HTR4: variants seen among roughly 807,000 people sequenced by gnomAD.
HTR4 encodes the protein 5-hydroxytryptamine (serotonin) receptor 4, G protein-coupled.
Under a neutral mutation model 36.8 loss-of-function variants are expected in HTR4, and 16 were observed. That is an observed-to-expected ratio of 0.43 (90% CI 0.29 to 0.66). HTR4 has a LOEUF of 0.66. Ranked by LOEUF, HTR4 falls within the 30% of genes least tolerant of loss-of-function variation. The pLI is 0.13. For missense variants in HTR4, 438 were observed against 490.9 expected (o/e 0.89, Z 1.02); for synonymous variants, 189 against 185.1 (o/e 1.02, Z -0.17).
At chr5:148,601,184 A>T (rs1761983254) in intron 2 of HTR4, among the ~76,000 whole-genome samples, 1 of 152,096 alleles carries the variant, frequency 6.6e-6, no homozygotes, top group Non-Finnish European at 1.5e-5. Flanking sequence ...TAAAAAAAAT[A>T]AAGATAAGTA....
chr5:148,643,980 T>C (rs550770781), intron 1 of HTR4, among the ~76,000 whole-genome samples: 7 of 152,298 alleles, frequency 4.6e-5, no homozygotes, highest in Non-Finnish European at 8.8e-5. Context: ...GGCTGTTTAT[T>C]GCAGAGCAAT....
intron 1 of HTR4, among the ~76,000 whole-genome samples, chr5:148,638,873 G>A (rs181497378): frequency 2.8e-4 from 43 of 151,962 alleles, no homozygotes; most frequent in African/African-American, 9.9e-4. Context: ...TGGGCAACGT[G>A]GCAAAACCCC....
At chr5:148,452,293 T>C (rs1316171709) in intron 5 of HTR4, among the ~76,000 whole-genome samples, 3 of 152,190 alleles carry the variant, frequency 2.0e-5, no homozygotes, top group East Asian at 1.9e-4. Flanking sequence ...CATGGGAATA[T>C]AGGTCATACA....
At chr5:148,641,693 G>C (rs766104372) in intron 1 of HTR4, among the ~76,000 whole-genome samples, 1 of 152,184 alleles carries the variant, frequency 6.6e-6, no homozygotes, top group African/African-American at 2.4e-5. Flanking sequence ...AGACTAGGAG[G>C]AGGAAGAGCT....
chr5:148,485,497 A>AG (rs996632107), intron 6 of HTR4, among the ~76,000 whole-genome samples: 1 of 152,168 alleles, frequency 6.6e-6, no homozygotes, highest in African/African-American at 2.4e-5. Flanking sequence ...GAATATGTAG[A>AG]GGGGTGCATG....
chr5:148,500,067 A>G (rs1347781156), intron 6 of HTR4, among the ~76,000 whole-genome samples: 2 of 152,166 alleles, frequency 1.3e-5, no homozygotes, highest in Non-Finnish European at 2.9e-5. Context: ...TCAAGTATTC[A>G]TTTATAGCAA....
intron 2 of HTR4, among the ~76,000 whole-genome samples, chr5:148,561,769 G>A (rs909733695): frequency 6.6e-6 from 1 of 152,066 alleles, no homozygotes. Context: ...GAGAAATTCA[G>A]CACAGGGAAA....
intron 2 of HTR4, among the ~76,000 whole-genome samples, chr5:148,583,084 C>T (rs983760052): frequency 4.6e-5 from 7 of 151,002 alleles, no homozygotes; most frequent in African/African-American, 1.5e-4. Flanking sequence ...TCATAGATAG[C>T]TCTTATTATT....
At chr5:148,517,246 T>G (rs903088814) in intron 5 of HTR4, among the ~76,000 whole-genome samples, 4 of 152,164 alleles carry the variant, frequency 2.6e-5, no homozygotes, top group African/African-American at 9.6e-5. Context: ...GGCTGTTCCT[T>G]CCAACTGTCC....
rs1484949215 is a variant in HTR4, at chr5:148,482,401, A to G, written c.*802T>C. 1 of 985,488 alleles carries G rather than the reference A, an allele frequency of 1.0e-6. No homozygotes were observed. The highest frequency in any genetic ancestry group is 1.7e-5 in the African/African-American group (1 of 57,244). 61.0% of individuals were successfully genotyped at this position (985,488 alleles called of 1,614,324 possible). A position where few individuals can be genotyped will look rare whatever the true frequency, so the allele number is the denominator to read the frequency against. On this transcript the variant is annotated 3_prime_UTR_variant, in exon 7 of 7. Coordinates refer to ENST00000377888, the MANE Select transcript of HTR4 (RefSeq NM_000870.7). ...GTTCTAGCCCAGCAGGAGAGCGAGC[A>G]TCTCAGGGCAGACACGCCAGCGGCC...
At chr5:148,532,070 C>T (rs1371219910) in intron 4 of HTR4, among the ~76,000 whole-genome samples, 1 of 152,140 alleles carries the variant, frequency 6.6e-6, no homozygotes, top group African/African-American at 2.4e-5. Flanking sequence ...AGGATTTTCA[C>T]CAATAGCAGG....
chr5:148,612,138 G>C (rs916142295), intron 2 of HTR4, among the ~76,000 whole-genome samples: 37 of 152,166 alleles, frequency 2.4e-4, no homozygotes, highest in African/African-American at 8.9e-4. Context: ...AAGTCAACAA[G>C]GATACCCAGG....
chr5:148,452,245 T>C (rs1438164161), intron 5 of HTR4, among the ~76,000 whole-genome samples: 1 of 152,224 alleles, frequency 6.6e-6, no homozygotes, highest in East Asian at 1.9e-4. Flanking sequence ...TCATTTTACA[T>C]GTGAGCAAAA....
chr5:148,549,530 G>A (rs2113848179), intron 3 of HTR4, among the ~76,000 whole-genome samples: 1 of 152,258 alleles, frequency 6.6e-6, no homozygotes, highest in Admixed American at 6.5e-5. Context: ...TTGATGCTGA[G>A]GTCTCACCCC....
chr5:148,647,570 C>T (rs111851200), intron 1 of HTR4, among the ~76,000 whole-genome samples: 16 of 152,066 alleles, frequency 1.1e-4, no homozygotes, highest in Middle Eastern at 3.2e-3. Flanking sequence ...TGGTTAGGGC[C>T]GGGGGTGGTG....
At chr5:148,583,982 A>G (rs1761252630) in intron 2 of HTR4, among the ~76,000 whole-genome samples, 2 of 152,080 alleles carry the variant, frequency 1.3e-5, no homozygotes, top group Non-Finnish European at 2.9e-5. Context: ...TTTGATCTTT[A>G]TCTTCTGGTT....
chr5:148,631,120 C>T (rs1009629168), intron 2 of HTR4, among the ~76,000 whole-genome samples: 4 of 152,166 alleles, frequency 2.6e-5, no homozygotes, highest in East Asian at 1.9e-4. Flanking sequence ...GTTTGTGATG[C>T]CTCTAGCTTG....
At chr5:148,474,939 G>A (rs911936387), downstream of HTR4, among the ~76,000 whole-genome samples, 44 of 152,164 alleles carry the variant, frequency 2.9e-4, no homozygotes, top group African/African-American at 9.9e-4. Context: ...CCAGCTACTC[G>A]GGAGGCTGAG....
downstream of HTR4, among the ~76,000 whole-genome samples, chr5:148,480,279 A>AACC (rs1396708344): frequency 6.6e-6 from 1 of 152,214 alleles, no homozygotes; most frequent in African/African-American, 2.4e-5. Flanking sequence ...TCTGTGATTC[A>AACC]TAAATTCGTG....
Sources: gnomAD v4.1 joint callset for allele counts (sites outside exome capture counted in the v4.1 genomes callset) on GRCh38, gnomAD v4.1.1 for gene constraint, MANE v1.5 for transcripts, NCBI Gene and HGNC (gene_info 2026-07-23, HGNC 2026-07-21) for gene names.